The following CCDC73 variants were observed in gnomAD, a reference collection of about 807,000 sequenced individuals.
CCDC73 encodes the protein coiled-coil domain-containing protein 73.
Under a neutral mutation model 116.5 loss-of-function variants are expected in CCDC73, and 95 were observed. The ratio of observed to expected loss-of-function variants is 0.82; its 90% CI spans 0.69 to 0.97. CCDC73 has a LOEUF of 0.97. Among genes scored for constraint, CCDC73 ranks in the 50% least tolerant of loss-of-function variants. The pLI, the probability that CCDC73 is intolerant of heterozygous loss-of-function variation, is 0.00. For synonymous variants in CCDC73, 398 were observed against 401.3 expected (o/e 0.99, Z 0.10); for missense variants, 1,066 against 1,206.8 (o/e 0.88, Z 1.73).
chr11:32,737,668 A>T lies in CCDC73; in HGVS notation c.136-19521T>A, dbSNP rs147752968. ...GGGTAAGTAGGGCATCCATCACCTC[A>T]AGCATTTATCCTTTATGTTACAAAT... On this transcript the variant is annotated intron_variant, in intron 2 of 17. Coordinates refer to ENST00000335185, the MANE Select transcript of CCDC73 (RefSeq NM_001008391.4). Among the ~76,000 whole-genome samples, 337 of 152,064 alleles carry T rather than the reference A, an allele frequency of 2.2e-3. 1 individual carries two copies. Among genetic ancestry groups the T allele is most frequent in the African/African-American group, 7.9e-3 (326 of 41,472 alleles).
the CCDC73 span, among the ~76,000 whole-genome samples, chr11:32,809,129 T>C: frequency 5.3e-5 from 8 of 152,234 alleles, no homozygotes; most frequent in Non-Finnish European, 1.0e-4. Context: ...AACGTTTAAA[T>C]GTAATGCAAA....
intron 1 of CCDC73, among the ~76,000 whole-genome samples, chr11:32,768,645 C>T (rs12281351): frequency 0.012 from 1,821 of 152,158 alleles, 35 homozygotes; most frequent in African/African-American, 0.042. Context: ...ATTGATAATG[C>T]CCATAAGAAC....
chr11:32,722,015 G>T (rs936409983), intron 2 of CCDC73, among the ~76,000 whole-genome samples: 2 of 152,036 alleles, frequency 1.3e-5, no homozygotes, highest in African/African-American at 2.4e-5. Flanking sequence ...GTTTTTAGCC[G>T]CAAGTAACAA....
intron 6 of CCDC73, among the ~76,000 whole-genome samples, chr11:32,697,539 A>G (rs1042364044): frequency 1.9e-4 from 27 of 140,804 alleles, no homozygotes; most frequent in African/African-American, 6.7e-4. Context: ...GCTGGAGTAC[A>G]GTGACGTAAT....
In CCDC73 at chr11:32,656,164, G is replaced by A. The variant is rs1446886188; in HGVS notation, c.646-1192C>T. Among the ~76,000 whole-genome samples, 4 of 151,248 alleles carry A rather than the reference G, an allele frequency of 2.6e-5. No individual in the cohort carries two copies. The South Asian group carries it at 6.3e-4, about 24-fold the overall frequency. On this transcript the variant is annotated intron_variant, in intron 9 of 17. Transcript: ENST00000335185. ...ACGATCTCGGCTCACTGCAAGCTCC[G>A]CCTCCTGGGTTTGTGCCATTCTTCT...
intron 12 of CCDC73, among the ~76,000 whole-genome samples, chr11:32,646,408 G>A (rs1855779266): frequency 6.6e-6 from 1 of 152,178 alleles, no homozygotes; most frequent in Non-Finnish European, 1.5e-5. Context: ...GAGGCATAGG[G>A]TGGTAAATTT....
chr11:32,645,036 A>G (rs924045455), intron 12 of CCDC73, among the ~76,000 whole-genome samples: 12 of 152,160 alleles, frequency 7.9e-5, no homozygotes, highest in African/African-American at 2.9e-4. Context: ...GTTTTTAATG[A>G]ATATTAATAA....
the CCDC73 span, among the ~76,000 whole-genome samples, chr11:32,817,354 AG>A: frequency 6.6e-6 from 1 of 152,226 alleles, no homozygotes. Flanking sequence ...ATCATTTTTA[AG>A]GCTTTTTACA....
intron 1 of CCDC73, among the ~76,000 whole-genome samples, chr11:32,785,702 C>CAGA (rs1850621735): frequency 6.6e-6 from 1 of 152,160 alleles, no homozygotes; most frequent in African/African-American, 2.4e-5. Context: ...CCATGCCTGG[C>CAGA]AGAAGTGCAC....
intron 14 of CCDC73, among the ~76,000 whole-genome samples, chr11:32,619,588 G>A (rs1407686907): frequency 6.6e-6 from 1 of 152,008 alleles, no homozygotes; most frequent in East Asian, 1.9e-4. Flanking sequence ...CAGGAGGAGT[G>A]GTTAAGCTCA....
intron 1 of CCDC73, among the ~76,000 whole-genome samples, chr11:32,781,348 A>C (rs753750452): frequency 6.6e-6 from 1 of 152,188 alleles, no homozygotes; most frequent in Non-Finnish European, 1.5e-5. Context: ...AAAACAATAA[A>C]ACTCTGTTTT....
rs539395325 is a variant in CCDC73 at position 32,733,838 on chromosome 11, A to C, written c.136-15691T>G. ...AGCAGGAAAGATCTAAAATTGACACACTAACATCACAATTAAAAGAACTAG... is the reference window on the plus strand; with the variant it reads ...AGCAGGAAAGATCTAAAATTGACACCCTAACATCACAATTAAAAGAACTAG... On this transcript the variant is annotated intron_variant, in intron 2 of 17. Transcript: ENST00000335185. 2.7e-3 allele frequency among the ~76,000 whole-genome samples: 406 copies of C among 152,218 alleles called. 5 individuals are homozygous for C. The highest frequency in any genetic ancestry group is 1.6e-3 in the African/African-American group (68 of 41,566).
At chr11:32,646,164 T>G (rs1398023814) in intron 12 of CCDC73, among the ~76,000 whole-genome samples, 1 of 152,240 alleles carries the variant, frequency 6.6e-6, no homozygotes, top group African/African-American at 2.4e-5. Flanking sequence ...TAACTCTATC[T>G]AAAGGAAACT....
chr11:32,786,697 C>T (rs927844860), intron 1 of CCDC73, among the ~76,000 whole-genome samples: 4 of 150,970 alleles, frequency 2.6e-5, no homozygotes, highest in African/African-American at 9.7e-5. Context: ...GATATAAAGG[C>T]TTTTATGTCT....
intron 12 of CCDC73, among the ~76,000 whole-genome samples, chr11:32,642,979 G>T (rs1264381849): frequency 6.6e-6 from 1 of 150,606 alleles, no homozygotes; most frequent in Non-Finnish European, 1.5e-5. Flanking sequence ...ATAAAAGTAC[G>T]TAAAATATAT....
chr11:32,674,425 G>T (rs1413787446), intron 9 of CCDC73, among the ~76,000 whole-genome samples: 1 of 152,142 alleles, frequency 6.6e-6, no homozygotes, highest in Non-Finnish European at 1.5e-5. Flanking sequence ...CTCTCCCTTT[G>T]TGTCAGTTGG....
chr11:32,762,669 A>G (rs2133379001), intron 1 of CCDC73, among the ~76,000 whole-genome samples: 1 of 152,304 alleles, frequency 6.6e-6, no homozygotes, highest in South Asian at 2.1e-4. Flanking sequence ...GCTCCAGTCT[A>G]CAGCTCCCAG....
chr11:32,799,243 C>T (rs1850751689), upstream of CCDC73, among the ~76,000 whole-genome samples: 1 of 152,132 alleles, frequency 6.6e-6, no homozygotes, highest in South Asian at 2.1e-4. Flanking sequence ...AGGCCTGCGC[C>T]ACCACGCTCA....
rs1340186392 is a variant in CCDC73, at chr11:32,602,833, T to A, written c.3218A>T (p.Glu1073Val). Residue 1073 changes from glutamate (E) to valine (V), a missense_variant, in exon 18 of 18, where the codon GAA (glutamate) becomes GTA (valine). Transcript: ENST00000335185. ...ACATTATTTTAATCTGTTGTTTTTT[T>A]CCAACGTCTCTTCTGCTTTTCTTTT... ...PKKRKAEETLEKNNRLK is the reference protein window; with the variant it reads ...PKKRKAEETLVKNNRLK 1.3e-6 allele frequency: 2 copies of A among 1,599,974 alleles called. No individual in the cohort carries two copies. Among genetic ancestry groups the A allele is most frequent in the East Asian group, 4.5e-5 (2 of 44,750 alleles).
Sources: allele counts gnomAD v4.1 joint callset (sites outside exome capture counted in the v4.1 genomes callset), GRCh38; gene constraint gnomAD v4.1.1; transcripts MANE v1.5; gene names NCBI Gene and HGNC (gene_info 2026-07-23, HGNC 2026-07-21).